CTIF: variants seen among roughly 807,000 people sequenced by gnomAD.
CTIF encodes CBP80/20-dependent translation initiation factor.
A neutral mutation model predicts 66.0 loss-of-function variants in CTIF; 21 were observed. The observed-to-expected ratio is 0.32, with a 90% confidence interval of 0.23 to 0.46. The LOEUF (loss-of-function observed/expected upper bound fraction) is 0.46. Ranked by LOEUF, CTIF falls within the 20% of genes least tolerant of loss-of-function variation. CTIF has a pLI of 1.00. For synonymous variants in CTIF, 345 were observed against 326.4 expected, an observed-to-expected ratio of 1.06 and a Z score of -0.62; for missense variants, 739 against 812.7, an observed-to-expected ratio of 0.91 and a Z score of 1.10.
At chr18:48,847,318 A>G (rs964172470) in intron 10 of CTIF, among the ~76,000 whole-genome samples, 3 of 152,036 alleles carry the variant, frequency 2.0e-5, no homozygotes, top group African/African-American at 7.2e-5. Context: ...AAAAAAAAAA[A>G]AAAAAAAAAT....
chr18:48,544,378 G>A (rs937064354), intron 1 of CTIF, among the ~76,000 whole-genome samples: 10 of 152,198 alleles, frequency 6.6e-5, no homozygotes, highest in African/African-American at 2.2e-4. Flanking sequence ...CCCAAGTCAC[G>A]AGTAAGCAGT....
chr18:48,759,152 C>G (rs955834452), intron 8 of CTIF, among the ~76,000 whole-genome samples: 16 of 152,212 alleles, frequency 1.1e-4, no homozygotes, highest in African/African-American at 3.6e-4. Flanking sequence ...AGCAGTAAGT[C>G]CATTGTGCTC....
intron 1 of CTIF, among the ~76,000 whole-genome samples, chr18:48,604,993 T>G (rs963940434): frequency 6.6e-6 from 1 of 152,258 alleles, no homozygotes; most frequent in Non-Finnish European, 1.5e-5. Flanking sequence ...TTCCATTGCA[T>G]GCATAGTTCA....
At chr18:48,762,156 A>C (rs894663275) in intron 9 of CTIF, among the ~76,000 whole-genome samples, 2 of 152,224 alleles carry the variant, frequency 1.3e-5, no homozygotes, top group African/African-American at 4.8e-5. Context: ...ACATGAGCAG[A>C]AAAGGGATAG....
chr18:48,640,567 G>A (rs2090909004), intron 3 of CTIF, among the ~76,000 whole-genome samples: 1 of 152,256 alleles, frequency 6.6e-6, no homozygotes, highest in Non-Finnish European at 1.5e-5. Context: ...GTTTCAGGGA[G>A]AAACTGAGGC....
chr18:48,836,824 C>T (rs1201538164), intron 10 of CTIF, among the ~76,000 whole-genome samples: 9 of 152,250 alleles, frequency 5.9e-5, no homozygotes, highest in Non-Finnish European at 1.2e-4. Context: ...GGGCACCGCA[C>T]ATAGATGCCA....
chr18:48,794,843 C>T (rs1004081506), intron 9 of CTIF, among the ~76,000 whole-genome samples: 2 of 152,164 alleles, frequency 1.3e-5, no homozygotes, highest in Middle Eastern at 3.4e-3. Flanking sequence ...GCATTCGAGT[C>T]AGCACCTGGC....
At chr18:48,578,554 T>G (rs2089585645) in intron 1 of CTIF, among the ~76,000 whole-genome samples, 2 of 152,206 alleles carry the variant, frequency 1.3e-5, no homozygotes, top group South Asian at 4.1e-4. Flanking sequence ...TGGTTTTGAT[T>G]TGCATTTCCC....
intron 6 of CTIF, among the ~76,000 whole-genome samples, chr18:48,692,081 C>G (rs899635877): frequency 6.6e-6 from 1 of 152,150 alleles, no homozygotes; most frequent in African/African-American, 2.4e-5. Flanking sequence ...GGGGTTTTGC[C>G]ATGTTGGCCA....
At position 48,561,723 on chromosome 18, in the gene CTIF, C is replaced by G. The variant is rs560864421; in HGVS notation, c.-29+22411C>G. Among the ~76,000 whole-genome samples the G allele has an allele frequency of 6.2e-4, 95 of 152,324 alleles. 3 individuals are homozygous for G. The South Asian group carries it at 0.019, about 31-fold the overall frequency. On this transcript the variant is annotated intron_variant, in intron 1 of 11. Transcript: ENST00000256413. Reference sequence around the variant, plus strand: ...GTCTATATTCTGAATGAACTGTTGACTACTTCTCTTTTCCTTCCTGGGGCA... The same window carrying G: ...GTCTATATTCTGAATGAACTGTTGAGTACTTCTCTTTTCCTTCCTGGGGCA...
chr18:48,681,455 C>T (rs535245641), intron 6 of CTIF, among the ~76,000 whole-genome samples: 11 of 152,328 alleles, frequency 7.2e-5, no homozygotes, highest in East Asian at 3.9e-4. Context: ...CCCATTGACT[C>T]GTAGCCTGCC....
intron 9 of CTIF, among the ~76,000 whole-genome samples, chr18:48,800,601 C>T (rs969770943): frequency 6.6e-6 from 1 of 152,228 alleles, no homozygotes; most frequent in Non-Finnish European, 1.5e-5. Flanking sequence ...ATGGATAACC[C>T]CCCACACACC....
Position 48,640,891 on chromosome 18 carries a change from T to G in CTIF, c.252+4206T>G, listed in dbSNP as rs550665756. On this transcript the variant is annotated intron_variant, in intron 3 of 11. Transcript: ENST00000256413. ...TCTGAACCCTTTCAGAGGCAGAAAG[T>G]GGGGGCAACCTAGAAGAGATTGGGT... is the stretch of plus-strand genomic sequence containing the variant. 6.6e-5 allele frequency among the ~76,000 whole-genome samples: 10 copies of G among 152,212 alleles called. No individual in the cohort carries two copies. The South Asian group carries it at 2.1e-3, about 32-fold the overall frequency.
chr18:48,662,243 G>C (rs1946770908), intron 3 of CTIF: 1 of 152,558 alleles, frequency 6.6e-6, no homozygotes, highest in Non-Finnish European at 1.5e-5. Flanking sequence ...ACGGGGATGG[G>C]ACAGGAAAGG....
chr18:48,608,410 C>T (rs1451169870), intron 1 of CTIF, among the ~76,000 whole-genome samples: 1 of 152,186 alleles, frequency 6.6e-6, no homozygotes, highest in African/African-American at 2.4e-5. Flanking sequence ...CCAGACGTGG[C>T]CCCAGCACAG....
chr18:48,566,988 G>C (rs1297579124), intron 1 of CTIF: 3 of 152,174 alleles, frequency 2.0e-5, no homozygotes, highest in Admixed American at 6.5e-5. Flanking sequence ...ATTCTGTGAA[G>C]CTAATAGTCA....
At chr18:48,686,533 C>T (rs1249123953) in intron 6 of CTIF, among the ~76,000 whole-genome samples, 1 of 141,692 alleles carries the variant, frequency 7.1e-6, no homozygotes, top group Non-Finnish European at 1.6e-5. Context: ...GCTCGGTTCT[C>T]ACGTTTTTTT....
Position 48,862,108 on chromosome 18 carries a change from T to A in CTIF, c.*2549T>A, listed in dbSNP as rs2069483680. ...TAAAATTTGAGACCCCGAGGCAGCT[T>A]CCCGAGGGAGACTGCTCAGACAGGA... On this transcript the variant is annotated 3_prime_UTR_variant, in exon 12 of 12. Transcript: ENST00000256413. The A allele has an allele frequency of 6.6e-6, 1 of 152,074 alleles. No homozygotes were observed. The allele number at this position is 152,074 out of a possible 1,614,324, so 9.4% of individuals were successfully genotyped here.
At chr18:48,832,050 C>T (rs1398591028) in intron 10 of CTIF, among the ~76,000 whole-genome samples, 3 of 152,156 alleles carry the variant, frequency 2.0e-5, no homozygotes, top group Admixed American at 1.3e-4. Flanking sequence ...TTTTCATAGC[C>T]TCTCATAGCA....
Sources: gnomAD v4.1 joint callset for allele counts (sites outside exome capture counted in the v4.1 genomes callset) on GRCh38, gnomAD v4.1.1 for gene constraint, MANE v1.5 for transcripts, NCBI Gene and HGNC (gene_info 2026-07-23, HGNC 2026-07-21) for gene names.